The following OSTC variants were observed in gnomAD, a reference collection of about 807,000 sequenced individuals.
OSTC encodes the protein oligosaccharyltransferase complex non-catalytic subunit.
A neutral mutation model predicts 16.4 loss-of-function variants in OSTC; 16 were observed. That is an observed-to-expected ratio of 0.98 (90% CI 0.66 to 1.49). OSTC has a LOEUF of 1.49. Ranked by LOEUF, OSTC falls within the 40% of genes most tolerant of loss-of-function variation. The pLI, the probability that OSTC is intolerant of heterozygous loss-of-function variation, is 0.00. For synonymous variants in OSTC, 67 were observed against 68.5 expected (o/e 0.98, Z 0.11); for missense variants, 139 against 186.3 (o/e 0.75, Z 1.48).
chr4:108,654,500 T>G (rs1726645557), intron 1 of OSTC, among the ~76,000 whole-genome samples: 1 of 151,584 alleles, frequency 6.6e-6, no homozygotes, highest in African/African-American at 2.4e-5. Context: ...TTATAGGAGG[T>G]GGGAATCTTC....
At chr4:108,663,246 C>G (rs879126318) in intron 3 of OSTC, 5 of 455,522 alleles carry the variant, frequency 1.1e-5, no homozygotes, top group Non-Finnish European at 2.2e-5. Context: ...GAGTCTCGCT[C>G]TGTTGCCCAG....
At chr4:108,654,454 G>A (rs373224274) in intron 1 of OSTC, among the ~76,000 whole-genome samples, 1 of 152,190 alleles carries the variant, frequency 6.6e-6, no homozygotes, top group East Asian at 1.9e-4. Context: ...GTCCAAGTGG[G>A]AATGGACTCC....
chr4:108,652,036 T>A (rs1027107118), intron 1 of OSTC: 7 of 152,236 alleles, frequency 4.6e-5, no homozygotes, highest in Admixed American at 4.6e-4. Context: ...TAACATTTGC[T>A]CATCAAGTTA....
At chr4:108,661,122 G>A (rs112516103) in intron 3 of OSTC, among the ~76,000 whole-genome samples, 2,673 of 151,568 alleles carry the variant, frequency 0.018, 77 homozygotes, top group African/African-American at 0.061. Flanking sequence ...GGAGGCTGAG[G>A]CACGAGAATT....
intron 3 of OSTC, among the ~76,000 whole-genome samples, chr4:108,660,184 T>C (rs890717980): frequency 1.3e-5 from 2 of 152,162 alleles, no homozygotes; most frequent in African/African-American, 4.8e-5. Flanking sequence ...GGAAAAAGGG[T>C]ATACTTTCTG....
chr4:108,656,431 T>C (rs898860481), intron 2 of OSTC, among the ~76,000 whole-genome samples: 1 of 150,342 alleles, frequency 6.7e-6, no homozygotes, highest in African/African-American at 2.5e-5. Flanking sequence ...TTGGTACATA[T>C]ATTGTGTTTT....
intron 2 of OSTC, among the ~76,000 whole-genome samples, 175 bp from the exon 3 acceptor site, chr4:108,657,275 T>G (rs1578339004): frequency 1.3e-5 from 2 of 152,166 alleles, no homozygotes; most frequent in African/African-American, 4.8e-5. Flanking sequence ...ATAGACTCAA[T>G]AAATATCTGT....
chr4:108,659,478 T>C (rs376986496), intron 3 of OSTC, among the ~76,000 whole-genome samples: 1 of 151,940 alleles, frequency 6.6e-6, no homozygotes, highest in Non-Finnish European at 1.5e-5. Context: ...GACTCCCAGA[T>C]AGAATAAAGA....
Position 108,657,917 on chromosome 4 carries a change from C to CTTTTTTTTTTT in OSTC, c.431+290_431+300dup, listed in dbSNP as rs70949037. Among the ~76,000 whole-genome samples the CTTTTTTTTTTT allele has an allele frequency of 1.6e-4, 11 of 67,202 alleles. 1 individual carries two copies. The highest frequency in any genetic ancestry group is 4.3e-4 in the African/African-American group (7 of 16,264). The allele number at this position is 67,202 out of a possible 152,430, so 44.1% of individuals were successfully genotyped here. The stretch of plus-strand genomic sequence containing the variant: ...CAATGACTGAAGATAGTCATTGTTT[C>CTTTTTTTTTTT]TTTTTTTTTTTTTTTTTTTTTTTTT... On this transcript the variant is annotated intron_variant, in intron 3 of 3. Transcript: ENST00000361564.
Position 108,650,720 on chromosome 4 carries a change from C to T in OSTC, c.65C>T (p.Pro22Leu), listed in dbSNP as rs1422514429. The T allele has an allele frequency of 1.9e-6, 3 of 1,614,120 alleles. No homozygotes were observed. Among genetic ancestry groups the T allele is most frequent in the Admixed American group, 1.7e-5 (1 of 60,012 alleles). Residue 22 changes from proline to leucine, a missense_variant, in exon 1 of 4, where the codon CCG becomes CTG. Physicochemically the swap from Pro to Leu is moderately conservative, Grantham distance 98. Coordinates refer to ENST00000361564, the MANE Select transcript of OSTC (RefSeq NM_021227.4). ...LECPNLKLKK[P>L]PWLHMPSAMT... ...TGTCCCAACCTGAAGCTGAAGAAGCCGCCCTGGTTGCACATGCCGTCGGCC... is the reference window on the plus strand; with the variant it reads ...TGTCCCAACCTGAAGCTGAAGAAGCTGCCCTGGTTGCACATGCCGTCGGCC...
chr4:108,653,598 G>A (rs918529136), intron 1 of OSTC, among the ~76,000 whole-genome samples: 2 of 152,166 alleles, frequency 1.3e-5, no homozygotes, highest in African/African-American at 2.4e-5. Flanking sequence ...ACAGGTTTCT[G>A]GTTTGAGCTC....
chr4:108,659,728 C>T (rs1261124946), intron 3 of OSTC, among the ~76,000 whole-genome samples: 1 of 152,006 alleles, frequency 6.6e-6, no homozygotes, highest in Non-Finnish European at 1.5e-5. Context: ...AAGATCGTGC[C>T]ACTGCACTCC....
At position 108,667,388 on chromosome 4, in the gene OSTC, C is replaced by G. The variant is rs1054552964; in HGVS notation, c.*123C>G. 8 of 763,228 alleles carry G rather than the reference C, an allele frequency of 1.0e-5. No individual in the cohort carries two copies. In the African/African-American group the frequency reaches 1.4e-4, roughly 14 times the overall value. 47.3% of individuals were successfully genotyped at this position (763,228 alleles called of 1,614,324 possible). ...TGAAGAGCAGCAGTAAAAGAAATAT[C>G]TAGTGAAAAAACAGGAAGCGTATTG... On this transcript the variant is annotated 3_prime_UTR_variant, in exon 4 of 4. Transcript: ENST00000361564.
At chr4:108,663,009 A>C (rs1264469715) in intron 3 of OSTC, among the ~76,000 whole-genome samples, 2 of 152,232 alleles carry the variant, frequency 1.3e-5, no homozygotes, top group South Asian at 4.1e-4. Flanking sequence ...TCTTGGCCTC[A>C]GGTTCCAAAC....
chr4:108,650,666 T>C lies in OSTC; in HGVS notation c.11T>C (p.Leu4Ser), dbSNP rs766519259. 3.7e-6 allele frequency: 6 copies of C among 1,614,224 alleles called. No homozygotes were observed. The highest frequency in any genetic ancestry group is 2.2e-5 in the South Asian group (2 of 91,090). Residue 4 changes from leucine to serine, a missense_variant, in exon 1 of 4, where the codon TTG (leucine) becomes TCG (serine). Physicochemically the swap from Leu to Ser is moderately radical, Grantham distance 145. Transcript: ENST00000361564. MET[L>S]YRVPFLVLEC... Reference sequence around the variant, plus strand: ...CTTGCTGCCACCAACATGGAGACTTTGTACCGTGTCCCGTTCTTAGTGCTC... The same window carrying C: ...CTTGCTGCCACCAACATGGAGACTTCGTACCGTGTCCCGTTCTTAGTGCTC...
chr4:108,666,187 C>T (rs898938633), intron 3 of OSTC, among the ~76,000 whole-genome samples: 1 of 152,100 alleles, frequency 6.6e-6, no homozygotes, highest in Non-Finnish European at 1.5e-5. Flanking sequence ...CTCAGAGGCT[C>T]ACCTCCCAGT....
In OSTC at chr4:108,657,076, AAAGCT is replaced by A. The variant is rs1463803706; in HGVS notation, c.234-366_234-362del. Among the ~76,000 whole-genome samples, 3 of 152,212 alleles carry A rather than the reference AAAGCT, an allele frequency of 2.0e-5. No homozygotes were observed. The South Asian group carries it at 6.2e-4, about 31-fold the overall frequency. On this transcript the variant is annotated intron_variant, in intron 2 of 3. Coordinates refer to ENST00000361564, the MANE Select transcript of OSTC (RefSeq NM_021227.4). ...CAAGACTCAATCTCAAAAAAAAAAA[AAAGCT>A]AAGCTAAAGTTCTGGGTAAAGCGTT...
intron 3 of OSTC, among the ~76,000 whole-genome samples, chr4:108,666,146 G>A (rs1726994821): frequency 6.6e-6 from 1 of 152,054 alleles, no homozygotes; most frequent in Admixed American, 6.5e-5. Flanking sequence ...AGAGGTTCAG[G>A]GGCAGATGTT....
intron 3 of OSTC, among the ~76,000 whole-genome samples, chr4:108,666,240 T>G (rs777056110): frequency 2.6e-5 from 4 of 152,208 alleles, no homozygotes; most frequent in Non-Finnish European, 5.9e-5. Flanking sequence ...CTGGTAATAT[T>G]AGAGTTTTTA....
Sources: gnomAD v4.1 joint callset for allele counts (sites outside exome capture counted in the v4.1 genomes callset) on GRCh38, gnomAD v4.1.1 for gene constraint, MANE v1.5 for transcripts, NCBI Gene and HGNC (gene_info 2026-07-23, HGNC 2026-07-21) for gene names.